Variants in HLCS observed in about 807,000 individuals in gnomAD.
The protein encoded by HLCS is biotin--protein ligase.
Under a neutral mutation model 75.0 loss-of-function variants are expected in HLCS, and 53 were observed. The ratio of observed to expected loss-of-function variants is 0.71; its 90% confidence interval spans 0.57 to 0.89. The LOEUF is 0.89. Ranked by LOEUF, HLCS falls within the 40% of genes least tolerant of loss-of-function variation. The pLI, the probability that HLCS is intolerant of heterozygous loss-of-function variation, is 0.00. For missense variants in HLCS, 966 were observed against 1,074.0 expected, an observed-to-expected ratio of 0.90 and a Z score of 1.41; for synonymous variants, 431 against 428.6, an observed-to-expected ratio of 1.01 and a Z score of -0.07.
intron 2 of HLCS, among the ~76,000 whole-genome samples, chr21:36,942,632 T>C (rs933444696): frequency 3.3e-5 from 5 of 152,038 alleles, no homozygotes; most frequent in South Asian, 2.1e-4. Context: ...AATAGATAAA[T>C]TGAACTTCAT....
intron 6 of HLCS, among the ~76,000 whole-genome samples, chr21:36,773,341 CA>C (rs1440073501): frequency 2.0e-5 from 3 of 152,240 alleles, no homozygotes; most frequent in African/African-American, 7.2e-5. Context: ...CCGCACAGGC[CA>C]AGGCCACGGA....
rs557665849 is a variant in HLCS, at chr21:36,751,931, A to C, written c.*2315T>G. On this transcript the variant is annotated 3_prime_UTR_variant, in exon 11 of 11. Coordinates refer to ENST00000674895, the MANE Select transcript of HLCS (RefSeq NM_001352514.2). ...CCACATTTTAAAGATCATCAGGAAAATGCCAAGTTCCCATTAAGACTTTAA... is the reference window on the plus strand; with the variant it reads ...CCACATTTTAAAGATCATCAGGAAACTGCCAAGTTCCCATTAAGACTTTAA... The C allele has an allele frequency of 1.3e-5, 2 of 152,466 alleles. No homozygotes were observed. The highest frequency in any genetic ancestry group is 4.8e-5 in the African/African-American group (2 of 41,580). The allele number at this position is 152,466 out of a possible 1,614,324, so 9.4% of individuals were successfully genotyped here.
intron 1 of HLCS, among the ~76,000 whole-genome samples, chr21:36,988,998 TTTTC>T (rs966238026): frequency 1.3e-5 from 2 of 151,632 alleles, no homozygotes; most frequent in African/African-American, 4.8e-5. Context: ...GGGGATTTTT[TTTTC>T]TTTTTCCTTT....
At chr21:36,857,719 T>C (rs1234711267) in intron 6 of HLCS, among the ~76,000 whole-genome samples, 1 of 152,200 alleles carries the variant, frequency 6.6e-6, no homozygotes, top group Non-Finnish European at 1.5e-5. Context: ...AGCAGAGTGA[T>C]CCTGTTTTCC....
intron 5 of HLCS, 28 bp downstream of exon 5, chr21:36,930,223 G>A (rs775322124): frequency 3.2e-5 from 52 of 1,605,066 alleles, no homozygotes; most frequent in Non-Finnish European, 4.1e-5. Flanking sequence ...GTCACAGCGC[G>A]CTCTGCCCAG....
intron 5 of HLCS, among the ~76,000 whole-genome samples, chr21:36,911,519 C>G (rs552393577): frequency 1.3e-5 from 2 of 151,658 alleles, no homozygotes; most frequent in African/African-American, 4.8e-5. Flanking sequence ...CTGAGGCGGG[C>G]GGATCACAAG....
intron 5 of HLCS, among the ~76,000 whole-genome samples, chr21:36,921,669 C>T (rs2066173980): frequency 6.6e-6 from 1 of 152,148 alleles, no homozygotes; most frequent in Non-Finnish European, 1.5e-5. Flanking sequence ...CTTTCGCTCA[C>T]ACCTAGAATC....
At chr21:36,758,686 G>A (rs994787731) in intron 9 of HLCS, among the ~76,000 whole-genome samples, 1 of 152,154 alleles carries the variant, frequency 6.6e-6, no homozygotes, top group Admixed American at 6.5e-5. Context: ...CTCACTTAAA[G>A]ATAGGAAATG....
chr21:36,801,155 G>A (rs1423170328), intron 6 of HLCS, among the ~76,000 whole-genome samples: 2 of 152,252 alleles, frequency 1.3e-5, no homozygotes, highest in South Asian at 2.1e-4. Flanking sequence ...GAAAATTAAA[G>A]ACCAGACTGG....
chr21:36,966,421 G>GGCCCCC, intron 1 of HLCS, 23 bp downstream of exon 1: 5 of 473,746 alleles, frequency 1.1e-5, no homozygotes, highest in African/African-American at 2.1e-5. Flanking sequence ...GGCCCGGGTC[G>GGCCCCC]CCCGCCCGCC....
chr21:36,788,302 G>A (rs985629701), intron 6 of HLCS, among the ~76,000 whole-genome samples: 3 of 152,266 alleles, frequency 2.0e-5, no homozygotes, highest in South Asian at 2.1e-4. Context: ...TGCAGGGCCC[G>A]CCCAAGAGTG....
rs1601778520 is a variant in HLCS at position 36,930,244 on chromosome 21, A to C, written c.1620+7T>G. ...GCGCGCTCTGCCCAGCTGAGCCCAC[A>C]ACTCACCTCCGCAGCTGACAGCAAG... On this transcript the variant is annotated splice_region_variant and intron_variant, in intron 5 of 10. Coordinates refer to ENST00000674895, the MANE Select transcript of HLCS (RefSeq NM_001352514.2). The C allele has an allele frequency of 3.6e-6, 4 of 1,120,762 alleles. No homozygotes were observed. Among genetic ancestry groups the C allele is most frequent in the Non-Finnish European group, 5.2e-6 (4 of 767,046 alleles). 69.4% of individuals were successfully genotyped at this position (1,120,762 alleles called of 1,614,324 possible). A position where few individuals can be genotyped will look rare whatever the true frequency, so the allele number is the denominator to read the frequency against.
At position 36,815,640 on chromosome 21, in the gene HLCS, C is replaced by T. The variant is rs570846980; in HGVS notation, c.1893-48355G>A. On this transcript the variant is annotated intron_variant, in intron 6 of 10. Transcript: ENST00000674895. ...TGTGTAGAATTCATCAAATTGGTGC[C>T]CCTAAAAAGTGAATTGAGATTTCGG... Among the ~76,000 whole-genome samples the T allele has an allele frequency of 2.6e-5, 4 of 152,112 alleles. No individual in the cohort carries two copies. The East Asian group carries it at 7.7e-4, about 29-fold the overall frequency.
chr21:36,920,239 TG>T (rs1193463823), intron 5 of HLCS, among the ~76,000 whole-genome samples: 1 of 149,798 alleles, frequency 6.7e-6, no homozygotes, highest in Non-Finnish European at 1.5e-5. Flanking sequence ...GAGGCTGAGG[TG>T]GGAGATTACC....
At chr21:36,880,563 T>C (rs995293909) in intron 6 of HLCS, among the ~76,000 whole-genome samples, 4 of 152,146 alleles carry the variant, frequency 2.6e-5, no homozygotes, top group Non-Finnish European at 5.9e-5. Context: ...CATAGGTTGT[T>C]TCCGGAAGTG....
chr21:36,790,788 G>A (rs537490193), intron 6 of HLCS, among the ~76,000 whole-genome samples: 3 of 152,342 alleles, frequency 2.0e-5, no homozygotes, highest in African/African-American at 7.2e-5. Flanking sequence ...TGGCAGGGCA[G>A]TGTTTCTGTC....
intron 6 of HLCS, among the ~76,000 whole-genome samples, chr21:36,839,421 T>C (rs956148682): frequency 1.3e-5 from 2 of 152,240 alleles, no homozygotes; most frequent in African/African-American, 4.8e-5. Context: ...CCACTCACTA[T>C]TTTTGCAAGA....
chr21:36,988,949 A>AT, intron 1 of HLCS, among the ~76,000 whole-genome samples: 1 of 151,144 alleles, frequency 6.6e-6, no homozygotes, highest in Admixed American at 6.6e-5. Flanking sequence ...TGTTGCAAAT[A>AT]TTTTTTCCCA....
intron 5 of HLCS, among the ~76,000 whole-genome samples, chr21:36,920,661 A>T (rs2066124378): frequency 6.6e-6 from 1 of 152,164 alleles, no homozygotes; most frequent in African/African-American, 2.4e-5. Context: ...GTACCTATTA[A>T]ATTAAAATTA....
Sources: allele counts gnomAD v4.1 joint callset (sites outside exome capture counted in the v4.1 genomes callset), GRCh38; gene constraint gnomAD v4.1.1; transcripts MANE v1.5; gene names NCBI Gene and HGNC (gene_info 2026-07-23, HGNC 2026-07-21).